Variants in PAX7 observed in about 807,000 individuals in gnomAD.
PAX7 encodes paired box protein Pax-7.
Under a neutral mutation model 50.7 loss-of-function variants are expected in PAX7, and 18 were observed. The ratio of observed to expected loss-of-function variants is 0.36; its 90% CI spans 0.25 to 0.53. PAX7 has a LOEUF of 0.53. PAX7 is among the 20% of genes least tolerant of loss of function. The pLI is 0.93. For missense variants in PAX7, 644 were observed against 702.9 expected (o/e 0.92, Z 0.95); for synonymous variants, 310 against 290.4 (o/e 1.07, Z -0.69).
chr1:18,715,746 G>C (rs2089412195), intron 7 of PAX7, among the ~76,000 whole-genome samples: 2 of 152,298 alleles, frequency 1.3e-5, no homozygotes, highest in South Asian at 4.1e-4. Flanking sequence ...CCTGAGAAGT[G>C]TGTTCATATA....
At chr1:18,741,382 G>A (rs1233909605) in intron 8 of PAX7, among the ~76,000 whole-genome samples, 5 of 151,934 alleles carry the variant, frequency 3.3e-5, no homozygotes, top group African/African-American at 9.7e-5. Flanking sequence ...CTCGGGAGGC[G>A]GAGGCTGCAA....
chr1:18,679,577 G>GGCCCCTTAGTGCCTCTA (rs1553137779), intron 4 of PAX7, among the ~76,000 whole-genome samples: 3 of 152,134 alleles, frequency 2.0e-5, no homozygotes, highest in Admixed American at 6.5e-5. Context: ...GTCTTCCTCT[G>GGCCCCTTAGTGCCTCTA]GCCCCTTAGT....
At chr1:18,742,763 G>A (rs1322808787) in intron 8 of PAX7, among the ~76,000 whole-genome samples, 1 of 152,238 alleles carries the variant, frequency 6.6e-6, no homozygotes, top group Non-Finnish European at 1.5e-5. Flanking sequence ...GGTAAGCAGA[G>A]GGGCACAGGG....
At chr1:18,717,163 A>C (rs952486379) in intron 7 of PAX7, among the ~76,000 whole-genome samples, 1 of 152,116 alleles carries the variant, frequency 6.6e-6, no homozygotes, top group African/African-American at 2.4e-5. Context: ...CGAGATAAGG[A>C]CGCCCTCGGG....
At position 18,726,791 on chromosome 1, in the gene PAX7, A is replaced by G. The variant is rs191439165; in HGVS notation, c.1156-8841A>G. ...CCCCTCTGCTTTCCTCTTCACTCAG[A>G]CAGAGCCGGCCTCATGAGTCTTTCC... On this transcript the variant is annotated intron_variant, in intron 7 of 8. Transcript: ENST00000420770. This position sits in a 1 kb window ranked among gnomAD's most constrained non-coding sequence, Gnocchi z 4.8. Among the ~76,000 whole-genome samples the G allele has an allele frequency of 6.6e-6, 1 of 152,206 alleles. No homozygotes were observed. The highest frequency in any genetic ancestry group is 1.9e-4 in the East Asian group (1 of 5,182).
intron 4 of PAX7, among the ~76,000 whole-genome samples, chr1:18,671,651 G>T (rs747266937): frequency 1.1e-4 from 16 of 152,066 alleles, no homozygotes; most frequent in Non-Finnish European, 2.2e-4. Context: ...TATATCTTTG[G>T]GTTGGTGGCA....
rs200059045 is a variant in PAX7, at chr1:18,703,075, C to T, written c.953-19C>T. The T allele has an allele frequency of 2.7e-5, 44 of 1,610,694 alleles. No homozygotes were observed. Among genetic ancestry groups the T allele is most frequent in the Admixed American group, 2.0e-4 (12 of 59,946 alleles). On this transcript the variant is annotated intron_variant, in intron 6 of 8. Transcript: ENST00000420770. ...GGATGAGGCCACTTGCTTAGGACCT[C>T]TCTTGGGTCTCTCTACAGATGGGGG... is the stretch of plus-strand genomic sequence containing the variant.
chr1:18,720,189 G>C (rs1210030173), intron 7 of PAX7, among the ~76,000 whole-genome samples: 1 of 152,216 alleles, frequency 6.6e-6, no homozygotes, highest in Admixed American at 6.5e-5. Flanking sequence ...TGTTTGAGAA[G>C]CACTAGAGGA....
chr1:18,697,892 G>T (rs923460167), intron 5 of PAX7, among the ~76,000 whole-genome samples: 1 of 81,156 alleles, frequency 1.2e-5, no homozygotes, highest in East Asian at 5.4e-4. Flanking sequence ...GCTAGGAGTG[G>T]GTCCTGTCCA....
intron 4 of PAX7, among the ~76,000 whole-genome samples, chr1:18,669,354 CT>C (rs1472595408): frequency 2.0e-5 from 3 of 152,154 alleles, no homozygotes; most frequent in African/African-American, 7.2e-5. Flanking sequence ...AGTCAGTGGC[CT>C]TAGGATTTAG....
intron 7 of PAX7, among the ~76,000 whole-genome samples, chr1:18,724,221 G>A (rs1159652746): frequency 6.8e-6 from 1 of 148,144 alleles, no homozygotes; most frequent in Non-Finnish European, 1.5e-5. Context: ...ACCAGTCGAG[G>A]CTGGCTCAAG....
In PAX7 at chr1:18,748,166, C is replaced by G. The variant is rs753872404; in HGVS notation, c.*3237C>G. 1 of 221,854 alleles carries G rather than the reference C, an allele frequency of 4.5e-6. No individual in the cohort carries two copies. The highest frequency in any genetic ancestry group is 9.0e-6 in the Non-Finnish European group (1 of 110,990). The allele number at this position is 221,854 out of a possible 1,614,324, so 13.7% of individuals were successfully genotyped here. On this transcript the variant is annotated 3_prime_UTR_variant, in exon 9 of 9. Transcript: ENST00000420770. ...GAGAGAGGTTTGCCCAGAAGGAAAA[C>G]GAAGAGCCAGATTGAAATCTGACTC...
rs1294816672 is a variant in PAX7, at chr1:18,726,308, A to G, written c.1156-9324A>G. 6.6e-6 allele frequency among the ~76,000 whole-genome samples: 1 copy of G among 152,206 alleles called. No individual in the cohort carries two copies. Among genetic ancestry groups the G allele is most frequent in the Non-Finnish European group, 1.5e-5 (1 of 68,032 alleles). Reference sequence around the variant, plus strand: ...ATGGGGAGGGGGCACTTAGAAACCCATTGGGTTGGAGGATGTTTGCAATAT... The same window carrying G: ...ATGGGGAGGGGGCACTTAGAAACCCGTTGGGTTGGAGGATGTTTGCAATAT... On this transcript the variant is annotated intron_variant, in intron 7 of 8. Coordinates refer to ENST00000420770, the MANE Select transcript of PAX7 (RefSeq NM_001135254.2). The surrounding 1 kb of genome is among the most constrained non-coding windows in gnomAD (Gnocchi z 4.8).
intron 4 of PAX7, among the ~76,000 whole-genome samples, chr1:18,679,595 G>A (rs1047865044): frequency 1.3e-5 from 2 of 152,148 alleles, no homozygotes; most frequent in African/African-American, 4.8e-5. Context: ...AGTGCCTCTA[G>A]CATTTATGCT....
intron 7 of PAX7, among the ~76,000 whole-genome samples, chr1:18,707,978 A>G (rs1302341801): frequency 1.3e-5 from 2 of 152,148 alleles, no homozygotes; most frequent in Non-Finnish European, 2.9e-5. Context: ...AATGCTTTTC[A>G]GGAGGTTTAG....
chr1:18,725,501 A>G (rs2089552797), intron 7 of PAX7, among the ~76,000 whole-genome samples: 1 of 152,058 alleles, frequency 6.6e-6, no homozygotes, highest in Non-Finnish European at 1.5e-5. Context: ...TGTTTCTGTC[A>G]CTTGCTCTCT....
rs144283385 is a variant in PAX7, at chr1:18,713,730, A to G, written c.1155+10434A>G. On this transcript the variant is annotated intron_variant, in intron 7 of 8. Transcript: ENST00000420770. The stretch of plus-strand genomic sequence containing the variant: ...AGAGGAAGTCTAGAGGAGGGAGGGC[A>G]TAGTCAGAGAAGGCTTCCTGGAAGA... Among the ~76,000 whole-genome samples the G allele has an allele frequency of 6.1e-3, 924 of 152,326 alleles. 10 individuals carry two copies. Among genetic ancestry groups the G allele is most frequent in the African/African-American group, 0.021 (868 of 41,574 alleles).
At chr1:18,696,068 T>TC (rs1557535893) in intron 5 of PAX7, among the ~76,000 whole-genome samples, 3 of 129,324 alleles carry the variant, frequency 2.3e-5, no homozygotes, top group Non-Finnish European at 3.3e-5. Flanking sequence ...TTCTTTTCTT[T>TC]TTTTTTTTTT....
At chr1:18,670,082 C>CAA (rs10626256) in intron 4 of PAX7, among the ~76,000 whole-genome samples, 25,494 of 80,930 alleles carry the variant, frequency 0.32, 4,048 homozygotes, top group Non-Finnish European at 0.4. Flanking sequence ...GACTCCATCT[C>CAA]AAAAAAAAAA....
Sources: gnomAD v4.1 joint callset for allele counts (sites outside exome capture counted in the v4.1 genomes callset) on GRCh38, gnomAD v4.1.1 for gene constraint, Gnocchi (gnomAD v3.1) non-coding constraint, MANE v1.5 for transcripts, NCBI Gene and HGNC (gene_info 2026-07-23, HGNC 2026-07-21) for gene names.